The following SLC6A17 variants were observed in gnomAD, a reference collection of about 807,000 sequenced individuals.
SLC6A17 encodes solute carrier family 6 member 17.
In SLC6A17, 21 loss-of-function variants were observed where a neutral mutation model predicts 64.5. The observed-to-expected ratio is 0.33, with a 90% CI of 0.23 to 0.47. The LOEUF (loss-of-function observed/expected upper bound fraction) is 0.47, where lower values mean the gene tolerates loss of function less well. Ranked by LOEUF, SLC6A17 falls within the 20% of genes least tolerant of loss-of-function variation. The pLI is 1.00. For synonymous variants in SLC6A17, 372 were observed against 399.5 expected (o/e 0.93, Z 0.82); for missense variants, 682 against 963.2 (o/e 0.71, Z 3.86).
chr1:110,198,302 C>T lies in SLC6A17; in HGVS notation c.2042C>T (p.Pro681Leu), dbSNP rs764231214. The change falls in exon 12 of 12, where the codon CCC becomes CTC. Residue 681 changes from proline (P) to leucine (L), a missense_variant. By Grantham distance (98) the Pro-to-Leu change is moderately conservative. Coordinates refer to ENST00000331565, the MANE Select transcript of SLC6A17 (RefSeq NM_001010898.4). The stretch of plus-strand genomic sequence containing the variant: ...ACCCGCTTCATCCTCAGCAAGGTGC[C>T]CAGTGAGGCACCTTCCCCCATGCCC... ...DETRFILSKV[P>L]SEAPSPMPTH... The T allele has an allele frequency of 6.2e-7, 1 of 1,614,048 alleles. No homozygotes were observed. The highest frequency in any genetic ancestry group is 2.2e-5 in the East Asian group (1 of 44,884).
intron 1 of SLC6A17, among the ~76,000 whole-genome samples, chr1:110,160,730 TTAGTC>T (rs1655883568): frequency 6.6e-6 from 1 of 151,778 alleles, no homozygotes; most frequent in African/African-American, 2.4e-5. Context: ...TGGGAAGTGG[TTAGTC>T]TAGAGTGAGT....
Position 110,199,664 on chromosome 1 carries a change from T to G in SLC6A17, c.*1220T>G. 3.4e-6 allele frequency: 1 copy of G among 295,592 alleles called. No homozygotes were observed. Among genetic ancestry groups the G allele is most frequent in the Non-Finnish European group, 6.3e-6 (1 of 159,910 alleles). The allele number at this position is 295,592 out of a possible 1,614,324, so 18.3% of individuals were successfully genotyped here. On this transcript the variant is annotated 3_prime_UTR_variant, in exon 12 of 12. Transcript: ENST00000331565. ...GTGCCATAGGCAGTGCTGTGGACAG[T>G]AGAGGCTGCCAAAGGCAAGGGCTGG... is the stretch of plus-strand genomic sequence containing the variant.
intron 6 of SLC6A17, among the ~76,000 whole-genome samples, chr1:110,183,060 G>A (rs945815097): frequency 1.6e-4 from 24 of 152,166 alleles, no homozygotes; most frequent in Non-Finnish European, 1.9e-4. Context: ...GGAAAACAGC[G>A]TGGCAGTTCC....
At chr1:110,189,060 A>G (rs1185278341) in intron 6 of SLC6A17, among the ~76,000 whole-genome samples, 2 of 151,974 alleles carry the variant, frequency 1.3e-5, no homozygotes, top group African/African-American at 2.4e-5. Flanking sequence ...CCCTGCATTC[A>G]GTGTTGGAGA....
chr1:110,155,382 A>G (rs1364031934), intron 1 of SLC6A17, among the ~76,000 whole-genome samples: 1 of 152,234 alleles, frequency 6.6e-6, no homozygotes, highest in South Asian at 2.1e-4. Context: ...CACATGTAAG[A>G]ACATAAGCTC....
intron 1 of SLC6A17, among the ~76,000 whole-genome samples, chr1:110,157,402 G>A (rs1308902307): frequency 3.3e-5 from 5 of 151,962 alleles, no homozygotes; most frequent in African/African-American, 1.2e-4. Context: ...GTGAAACCCT[G>A]TCTCTACTAA....
At chr1:110,166,473 G>C (rs1656058058) in intron 1 of SLC6A17, among the ~76,000 whole-genome samples, 1 of 152,236 alleles carries the variant, frequency 6.6e-6, no homozygotes, top group South Asian at 2.1e-4. Flanking sequence ...TGGCTAAGCA[G>C]AACACCTGGA....
intron 6 of SLC6A17, among the ~76,000 whole-genome samples, chr1:110,185,856 C>T (rs898367321): frequency 6.6e-6 from 1 of 152,184 alleles, no homozygotes; most frequent in Non-Finnish European, 1.5e-5. Flanking sequence ...CAGATTAGCA[C>T]TGGGCATCTG....
chr1:110,177,209 GCTC>G (rs1002469843), intron 6 of SLC6A17, among the ~76,000 whole-genome samples: 1 of 152,194 alleles, frequency 6.6e-6, no homozygotes, highest in African/African-American at 2.4e-5. Context: ...AGAGAAGAAA[GCTC>G]CTGGGAATCT....
At position 110,198,029 on chromosome 1, in the gene SLC6A17, G is replaced by A. The variant is rs764394091; in HGVS notation, c.1816-47G>A. ...CAGTCTTGGAGGGCCTGGGCGGGGA[G>A]GGCTGTCACAGTGCCGGCAGCAGCC... On this transcript the variant is annotated intron_variant, in intron 11 of 11. Coordinates refer to ENST00000331565, the MANE Select transcript of SLC6A17 (RefSeq NM_001010898.4). 2.4e-5 allele frequency: 37 copies of A among 1,563,054 alleles called. 1 individual carries two copies. In the South Asian group the frequency reaches 4.2e-4, roughly 18 times the overall value.
intron 10 of SLC6A17, 131 bp from the exon 11 acceptor site, chr1:110,197,306 A>T (rs778681820): frequency 1.2e-4 from 148 of 1,224,852 alleles, no homozygotes; most frequent in Non-Finnish European, 9.4e-5. Context: ...ATGAGCACTG[A>T]ATGTGAAGAA....
chr1:110,160,598 G>T (rs1046232594), intron 1 of SLC6A17, among the ~76,000 whole-genome samples: 1 of 152,238 alleles, frequency 6.6e-6, no homozygotes, highest in African/African-American at 2.4e-5. Flanking sequence ...TAGTAAAATA[G>T]TGTAAAAGGG....
At chr1:110,185,578 G>A (rs924367443) in intron 6 of SLC6A17, among the ~76,000 whole-genome samples, 1 of 152,242 alleles carries the variant, frequency 6.6e-6, no homozygotes, top group African/African-American at 2.4e-5. Context: ...AGAATTGGCA[G>A]GAAGCTGTTC....
chr1:110,164,190 G>A (rs1223287569), intron 1 of SLC6A17, among the ~76,000 whole-genome samples: 1 of 152,200 alleles, frequency 6.6e-6, no homozygotes, highest in African/African-American at 2.4e-5. Flanking sequence ...AGGTGAGTGA[G>A]TGAGTCAATG....
chr1:110,162,718 T>C (rs1557830375), intron 1 of SLC6A17, among the ~76,000 whole-genome samples: 2 of 151,810 alleles, frequency 1.3e-5, no homozygotes, highest in Non-Finnish European at 2.9e-5. Flanking sequence ...GAACTGGGGG[T>C]GGAGCAGGGA....
intron 2 of SLC6A17, among the ~76,000 whole-genome samples, chr1:110,170,818 G>A (rs1389125639): frequency 6.6e-6 from 1 of 152,074 alleles, no homozygotes; most frequent in Non-Finnish European, 1.5e-5. Flanking sequence ...GCATGTATGT[G>A]CATGGTTGGC....
At chr1:110,172,036 G>C in intron 2 of SLC6A17, 24 bp from the exon 3 acceptor site, 1 of 1,612,118 alleles carries the variant, frequency 6.2e-7, no homozygotes, top group Non-Finnish European at 8.5e-7. Flanking sequence ...GAGCCCCTCT[G>C]CCATCCCTCT....
At chr1:110,193,227 C>T (rs1289108987) in intron 8 of SLC6A17, among the ~76,000 whole-genome samples, 1 of 152,112 alleles carries the variant, frequency 6.6e-6, no homozygotes, top group Non-Finnish European at 1.5e-5. Flanking sequence ...GGTCCAAATC[C>T]AGTTAGTTGG....
At chr1:110,166,031 C>T (rs1656043112) in intron 1 of SLC6A17, among the ~76,000 whole-genome samples, 1 of 152,212 alleles carries the variant, frequency 6.6e-6, no homozygotes, top group African/African-American at 2.4e-5. Flanking sequence ...GGTTTTGCCT[C>T]CTCCGCCCAT....
Sources: allele counts gnomAD v4.1 joint callset (sites outside exome capture counted in the v4.1 genomes callset), GRCh38; gene constraint gnomAD v4.1.1; transcripts MANE v1.5; gene names NCBI Gene and HGNC (gene_info 2026-07-23, HGNC 2026-07-21).